Variants in DPP6 observed in about 807,000 individuals in gnomAD.
The protein encoded by DPP6 is dipeptidyl peptidase like 6.
Under a neutral mutation model 122.6 loss-of-function variants are expected in DPP6, and 69 were observed. The observed-to-expected ratio is 0.56, with a 90% CI of 0.46 to 0.69. The LOEUF is 0.69. Ranked by LOEUF, DPP6 falls within the 30% of genes least tolerant of loss-of-function variation. The probability of loss-of-function intolerance (pLI) is 0.00; values close to 1 mark genes in which losing one functional copy is unlikely to be tolerated. For synonymous variants in DPP6, 418 were observed against 433.1 expected, an observed-to-expected ratio of 0.97 and a Z score of 0.43; for missense variants, 928 against 1,116.9, an observed-to-expected ratio of 0.83 and a Z score of 2.41.
chr7:154,412,899 G>T (rs527696878), intron 1 of DPP6, among the ~76,000 whole-genome samples: 16 of 152,178 alleles, frequency 1.1e-4, no homozygotes, highest in Admixed American at 7.9e-4. Flanking sequence ...GATGTTCCAT[G>T]ACCTGGTCTG....
intron 1 of DPP6, among the ~76,000 whole-genome samples, chr7:154,223,206 C>A (rs866946160): frequency 6.7e-6 from 1 of 149,108 alleles, no homozygotes; most frequent in Non-Finnish European, 1.5e-5. Context: ...CAAAACATTG[C>A]AGACCGTCTC....
chr7:154,225,937 C>T (rs1342702113), intron 1 of DPP6, among the ~76,000 whole-genome samples: 1 of 149,880 alleles, frequency 6.7e-6, no homozygotes, highest in African/African-American at 2.5e-5. Flanking sequence ...GGTCCCACTA[C>T]CCCTTAAAAT....
intron 1 of DPP6, among the ~76,000 whole-genome samples, chr7:154,155,954 C>T (rs1378291540): frequency 6.6e-6 from 1 of 152,216 alleles, no homozygotes; most frequent in East Asian, 1.9e-4. Flanking sequence ...CATCCTTAGA[C>T]CTAAGGGGCC....
chr7:154,153,799 T>C (rs377083422), intron 1 of DPP6, among the ~76,000 whole-genome samples: 1,381 of 144,574 alleles, frequency 9.6e-3, no homozygotes, highest in African/African-American at 0.038. Flanking sequence ...TGTGTACCAA[T>C]AAAACTTTAT....
At chr7:154,070,934 A>G (rs1177705316) in intron 1 of DPP6, among the ~76,000 whole-genome samples, 1 of 152,198 alleles carries the variant, frequency 6.6e-6, no homozygotes, top group Non-Finnish European at 1.5e-5. Context: ...TAGAGGCCTG[A>G]GATACATCAG....
At chr7:154,086,231 C>A (rs1372537557) in intron 1 of DPP6, among the ~76,000 whole-genome samples, 3 of 151,262 alleles carry the variant, frequency 2.0e-5, no homozygotes, top group Non-Finnish European at 2.9e-5. Context: ...AATTCAGAGA[C>A]CCTGGGTGAG....
At chr7:154,636,438 G>C (rs1301036399) in intron 5 of DPP6, among the ~76,000 whole-genome samples, 1 of 152,210 alleles carries the variant, frequency 6.6e-6, no homozygotes, top group Non-Finnish European at 1.5e-5. Flanking sequence ...ATAGAAAAAG[G>C]AGTTAAGTTC....
At chr7:154,347,334 G>T (rs926495057) in intron 1 of DPP6, among the ~76,000 whole-genome samples, 2 of 152,186 alleles carry the variant, frequency 1.3e-5, no homozygotes, top group African/African-American at 4.8e-5. Flanking sequence ...CTGTTTGTTT[G>T]CAAAATGATG....
intron 1 of DPP6, among the ~76,000 whole-genome samples, chr7:154,113,849 T>A (rs900918462): frequency 6.6e-6 from 1 of 151,994 alleles, no homozygotes; most frequent in Non-Finnish European, 1.5e-5. Flanking sequence ...TATTTTCCCA[T>A]CATGTATTAT....
chr7:154,250,210 C>T (rs1009170658), intron 1 of DPP6, among the ~76,000 whole-genome samples: 3 of 152,018 alleles, frequency 2.0e-5, no homozygotes, highest in African/African-American at 7.2e-5. Flanking sequence ...GTTTTTGAGA[C>T]GTGAGTCTTG....
chr7:154,494,778 C>T (rs1372052637), intron 3 of DPP6, among the ~76,000 whole-genome samples: 1 of 152,156 alleles, frequency 6.6e-6, no homozygotes, highest in Non-Finnish European at 1.5e-5. Context: ...AATTTGCCTC[C>T]TCCAAGTCAA....
chr7:153,864,669 TAATACACACACAC>T, the DPP6 span, among the ~76,000 whole-genome samples: 1 of 96,152 alleles, frequency 1.0e-5, no homozygotes, highest in Admixed American at 1.2e-4. Context: ...AAAATAATAA[TAATACACACACAC>T]ACACACACAC....
At chr7:153,988,643 G>A (rs541522207) in intron 1 of DPP6, among the ~76,000 whole-genome samples, 1,681 of 152,276 alleles carry the variant, frequency 0.011, 12 homozygotes, top group African/African-American at 0.038. Context: ...AGCGGGGCCC[G>A]GAGAAAGGGG....
intron 1 of DPP6, among the ~76,000 whole-genome samples, chr7:154,143,328 T>G (rs1795935947): frequency 6.6e-6 from 1 of 152,138 alleles, no homozygotes; most frequent in Admixed American, 6.5e-5. Flanking sequence ...TGAATTGCAG[T>G]AAACAAATCA....
At chr7:153,785,224 A>G in the DPP6 span, among the ~76,000 whole-genome samples, 3 of 152,066 alleles carry the variant, frequency 2.0e-5, no homozygotes, top group Non-Finnish European at 4.4e-5. Flanking sequence ...GTGTCTCACT[A>G]CTTCTGTTTC....
chr7:154,298,559 CT>C (rs1268586107), intron 1 of DPP6, among the ~76,000 whole-genome samples: 2 of 152,138 alleles, frequency 1.3e-5, no homozygotes, highest in Non-Finnish European at 2.9e-5. Context: ...ATTCTCTAGC[CT>C]TTTCCCACTT....
At position 154,261,206 on chromosome 7, in the gene DPP6, T is replaced by G. The variant is rs567719042; in HGVS notation, c.244-185008T>G. On this transcript the variant is annotated intron_variant, in intron 1 of 25. Transcript: ENST00000377770. ...GCCACGCCCAGCCAATTCTTTTAGTTTTTTAAGGAATCTCCACACTGTTTT... is the reference window on the plus strand; with the variant it reads ...GCCACGCCCAGCCAATTCTTTTAGTGTTTTAAGGAATCTCCACACTGTTTT... Among the ~76,000 whole-genome samples, 19 of 152,312 alleles carry G rather than the reference T, an allele frequency of 1.2e-4. 1 individual carries two copies. In the South Asian group the frequency reaches 3.5e-3, roughly 28 times the overall value.
the DPP6 span, among the ~76,000 whole-genome samples, chr7:153,794,367 G>C: frequency 1.3e-5 from 2 of 152,266 alleles, no homozygotes; most frequent in Non-Finnish European, 2.9e-5. Flanking sequence ...TCATTTTGGA[G>C]CCCTAAAATT....
chr7:154,571,925 C>G lies in DPP6; in HGVS notation c.627+5009C>G, dbSNP rs1200566709. Among the ~76,000 whole-genome samples, 4 of 152,272 alleles carry G rather than the reference C, an allele frequency of 2.6e-5. No individual in the cohort carries two copies. The South Asian group carries it at 6.2e-4, about 24-fold the overall frequency. On this transcript the variant is annotated intron_variant, in intron 5 of 25. Coordinates refer to ENST00000377770, the MANE Select transcript of DPP6 (RefSeq NM_130797.4). ...AAATCTGGGCTCAAGTTAGCAGGAT[C>G]CTTGCACTCAGGGTCTTCTATAAAG...
Sources: allele counts gnomAD v4.1 joint callset (sites outside exome capture counted in the v4.1 genomes callset), GRCh38; gene constraint gnomAD v4.1.1; transcripts MANE v1.5; gene names NCBI Gene and HGNC (gene_info 2026-07-23, HGNC 2026-07-21).